The following GOLGA4 variants were observed in gnomAD, a reference collection of about 807,000 sequenced individuals.
GOLGA4 encodes the protein golgin subfamily A member 4.
In GOLGA4, 169 loss-of-function variants were observed where a neutral mutation model predicts 265.9. The observed-to-expected ratio is 0.64, with a 90% CI of 0.56 to 0.72. GOLGA4 has a LOEUF of 0.72. Ranked by LOEUF, GOLGA4 falls within the 30% of genes least tolerant of loss-of-function variation. GOLGA4 has a pLI of 0.00. For missense variants in GOLGA4, 2,482 were observed against 2,483.4 expected, an observed-to-expected ratio of 1.00 and a Z score of 0.01; for synonymous variants, 923 against 855.8, an observed-to-expected ratio of 1.08 and a Z score of -1.37.
At chr3:37,255,787 C>G (rs917167522) in intron 2 of GOLGA4, among the ~76,000 whole-genome samples, 3 of 150,448 alleles carry the variant, frequency 2.0e-5, no homozygotes, top group East Asian at 3.9e-4. Context: ...GGGTCTCACT[C>G]TGTTGCCCAG....
At chr3:37,257,552 T>G (rs1361917847) in intron 2 of GOLGA4, among the ~76,000 whole-genome samples, 1 of 152,038 alleles carries the variant, frequency 6.6e-6, no homozygotes, top group Non-Finnish European at 1.5e-5. Context: ...AGGTGCTAAC[T>G]AAGTTATTAG....
At chr3:37,362,864 GCCCCGCCT>G (rs1039027252) in intron 23 of GOLGA4, among the ~76,000 whole-genome samples, 78 of 143,458 alleles carry the variant, frequency 5.4e-4, no homozygotes, top group African/African-American at 1.9e-3. Context: ...CTCACTGCAA[GCCCCGCCT>G]CCTGGGTTCA....
At position 37,326,786 on chromosome 3, in the gene GOLGA4, G is replaced by A; in HGVS notation, c.4900G>A (p.Ala1634Thr). ...ALEDRLESES[A>T]AKLAELKRKA... is the part of the protein sequence containing the mutation. ...GGAAGATAGGCTTGAGTCAGAAAGT[G>A]CTGCAAAATTAGCAGAGTTGAAGAG... The change falls in exon 14 of 24, where the codon GCT (alanine) becomes ACT (threonine). Residue 1634 changes from alanine to threonine, a missense_variant. By Grantham distance (58) the Ala-to-Thr change is moderately conservative. This residue lies in a region of GOLGA4 where 942 missense variants were observed against 983.1 expected (regional missense o/e 0.96). Transcript: ENST00000361924. 1 of 1,613,754 alleles carries A rather than the reference G, an allele frequency of 6.2e-7. No homozygotes were observed. The highest frequency in any genetic ancestry group is 8.5e-7 in the Non-Finnish European group (1 of 1,179,742).
rs1578827194 is a variant in GOLGA4, at chr3:37,347,284, T to G, written c.6564T>G (p.Gly2188=). ...LRKVLFEYMM[G]RETKTMAKVI... is the part of the protein sequence containing the mutation. ...AAGTGCTTTTTGAGTATATGATGGG[T>G]CGTGAGACTAAGGTATAAATCATGT... Residue 2188 remains glycine (G), a synonymous_variant, in exon 21 of 24, where the codon GGT becomes GGG. Coordinates refer to ENST00000361924, the MANE Select transcript of GOLGA4 (RefSeq NM_002078.5). The G allele has an allele frequency of 5.1e-6, 8 of 1,578,268 alleles. No individual in the cohort carries two copies. Among genetic ancestry groups the G allele is most frequent in the Non-Finnish European group, 7.0e-6 (8 of 1,147,702 alleles).
rs146978210 is a variant in GOLGA4 at position 37,246,261 on chromosome 3, C to T, written c.72+2639C>T. 9.0e-3 allele frequency among the ~76,000 whole-genome samples: 1,360 copies of T among 150,434 alleles called. 28 individuals carry two copies. Among genetic ancestry groups the T allele is most frequent in the African/African-American group, 0.032 (1,297 of 40,794 alleles). ...GGCAGAGGTTGCAATGAACTGAGAT[C>T]GTGCCACTGCACTCCAGCCTGGGAG... On this transcript the variant is annotated intron_variant, in intron 1 of 23. Transcript: ENST00000361924.
intron 1 of GOLGA4, among the ~76,000 whole-genome samples, chr3:37,251,085 G>A (rs2096732414): frequency 6.6e-6 from 1 of 152,020 alleles, no homozygotes; most frequent in South Asian, 2.1e-4. Flanking sequence ...CCTGGCTTCA[G>A]TTTTCTCTAA....
chr3:37,326,262 C>G lies in GOLGA4; in HGVS notation c.4376C>G (p.Thr1459Ser). The G allele has an allele frequency of 6.2e-7, 1 of 1,613,410 alleles. No individual in the cohort carries two copies. Among genetic ancestry groups the G allele is most frequent in the South Asian group, 1.1e-5 (1 of 90,956 alleles). The part of the protein sequence containing the change: ...AQSRFTQHQN[T>S]VKELQIQLEL... ...TCAAGATTTACACAGCATCAAAACACTGTTAAAGAATTGCAGATCCAGCTT... is the reference window on the plus strand; with the variant it reads ...TCAAGATTTACACAGCATCAAAACAGTGTTAAAGAATTGCAGATCCAGCTT... The change falls in exon 14 of 24, where the codon ACT becomes AGT. Residue 1459 changes from threonine to serine, a missense_variant. Thr to Ser is a moderately conservative substitution (Grantham distance 58). Coordinates refer to ENST00000361924, the MANE Select transcript of GOLGA4 (RefSeq NM_002078.5).
chr3:37,343,077 A>G (rs2097042819), intron 20 of GOLGA4, among the ~76,000 whole-genome samples: 1 of 151,856 alleles, frequency 6.6e-6, no homozygotes, highest in African/African-American at 2.4e-5. Flanking sequence ...TATTTTTGGG[A>G]GAGATGGGGT....
At chr3:37,262,230 G>A (rs1380682670) in intron 2 of GOLGA4, among the ~76,000 whole-genome samples, 1 of 152,172 alleles carries the variant, frequency 6.6e-6, no homozygotes, top group Non-Finnish European at 1.5e-5. Flanking sequence ...AATTGGCCGG[G>A]CGTGGTGGCT....
chr3:37,289,392 A>T, intron 5 of GOLGA4, 101 bp downstream of exon 5: 1 of 708,938 alleles, frequency 1.4e-6, no homozygotes, highest in Non-Finnish European at 2.4e-6. Context: ...CTCATTAGTT[A>T]TACTAATAAC....
chr3:37,261,098 G>A (rs2096768670), intron 2 of GOLGA4, among the ~76,000 whole-genome samples: 1 of 151,798 alleles, frequency 6.6e-6, no homozygotes, highest in South Asian at 2.1e-4. Flanking sequence ...TTGATCCCAG[G>A]AGGTCGAGGT....
Position 37,243,356 on chromosome 3 carries a change from G to A in GOLGA4, c.-195G>A. ...GCCAGCCAGTGGCACCCGGAAGAAA[G>A]AGACGCGGCGGCGGCGACGCCGACA... On this transcript the variant is annotated 5_prime_UTR_variant, in exon 1 of 24. Coordinates refer to ENST00000361924, the MANE Select transcript of GOLGA4 (RefSeq NM_002078.5). The A allele has an allele frequency of 3.4e-6, 2 of 581,242 alleles. No individual in the cohort carries two copies. The highest frequency in any genetic ancestry group is 6.2e-6 in the Non-Finnish European group (2 of 323,978). 36.0% of individuals were successfully genotyped at this position (581,242 alleles called of 1,614,324 possible).
intron 2 of GOLGA4, among the ~76,000 whole-genome samples, chr3:37,265,792 C>CT (rs2096782037): frequency 6.6e-6 from 1 of 152,032 alleles, no homozygotes; most frequent in South Asian, 2.1e-4. Flanking sequence ...AATCCTAGTA[C>CT]TTGGGAGGCT....
intron 2 of GOLGA4, among the ~76,000 whole-genome samples, chr3:37,274,859 T>C (rs1218501642): frequency 6.6e-6 from 1 of 152,112 alleles, no homozygotes; most frequent in African/African-American, 2.4e-5. Flanking sequence ...ACAAGTTGAT[T>C]TATGAGCTGA....
rs1192831203 is a variant in GOLGA4 at position 37,323,827 on chromosome 3, A to G, written c.1941A>G (p.Glu647=). 10 of 1,609,850 alleles carry G rather than the reference A, an allele frequency of 6.2e-6. No individual in the cohort carries two copies. The Admixed American group carries it at 1.4e-4, about 22-fold the overall frequency. ...QYQTEMEKLR[E]KCEQEKETLL... ...AGACTGAAATGGAAAAACTTAGGGA[A>G]AAGTGTGAACAAGAAAAAGAAACAT... Residue 647 remains glutamate, a synonymous_variant, in exon 14 of 24, where the codon GAA becomes GAG. Coordinates refer to ENST00000361924, the MANE Select transcript of GOLGA4 (RefSeq NM_002078.5).
intron 3 of GOLGA4, 141 bp from the exon 4 acceptor site, chr3:37,285,873 C>A: frequency 2.1e-6 from 1 of 484,102 alleles, no homozygotes; most frequent in Non-Finnish European, 3.8e-6. Context: ...TTAGTTTTGA[C>A]CGTCATGCAT....
At chr3:37,306,053 GT>G (rs1486443076) in intron 10 of GOLGA4, among the ~76,000 whole-genome samples, 3 of 152,042 alleles carry the variant, frequency 2.0e-5, no homozygotes, top group Non-Finnish European at 4.4e-5. Flanking sequence ...TTATTTTTCT[GT>G]TTTTGCATGC....
At chr3:37,305,954 A>T (rs764222728) in intron 10 of GOLGA4, among the ~76,000 whole-genome samples, 1 of 152,162 alleles carries the variant, frequency 6.6e-6, no homozygotes, top group Non-Finnish European at 1.5e-5. Flanking sequence ...TTTTTTCTAG[A>T]TGAATTGTGG....
intron 2 of GOLGA4, chr3:37,266,749 C>T (rs1334153476): frequency 2.2e-6 from 1 of 447,760 alleles, no homozygotes; most frequent in African/African-American, 2.0e-5. Context: ...ATGCATGCTG[C>T]GTGGTGAGAA....
Sources: gnomAD v4.1 joint callset for allele counts (sites outside exome capture counted in the v4.1 genomes callset) on GRCh38, gnomAD v4.1.1 for gene constraint, gnomAD v4.1.1 regional missense constraint, MANE v1.5 for transcripts, NCBI Gene and HGNC (gene_info 2026-07-23, HGNC 2026-07-21) for gene names.